KDM3B: variants seen among roughly 807,000 people sequenced by gnomAD.
The protein encoded by KDM3B is lysine demethylase 3B.
In KDM3B, 10 loss-of-function variants were observed where a neutral mutation model predicts 170.0. The observed-to-expected ratio is 0.06, with a 90% CI of 0.04 to 0.10. The LOEUF is 0.10. KDM3B is among the 10% of genes least tolerant of loss of function. The pLI, the probability that KDM3B is intolerant of heterozygous loss-of-function variation, is 1.00. For missense variants in KDM3B, 1,394 were observed against 2,195.2 expected (o/e 0.64, Z 7.29); for synonymous variants, 831 against 834.8 (o/e 1.00, Z 0.08).
At chr5:138,411,156 CTG>C (rs1466925104) in intron 11 of KDM3B, among the ~76,000 whole-genome samples, 1 of 152,250 alleles carries the variant, frequency 6.6e-6, no homozygotes, top group Non-Finnish European at 1.5e-5. Context: ...CACGGTCCAC[CTG>C]GCAACGGGCG....
chr5:138,399,847 C>G lies in KDM3B; in HGVS notation c.3047-13C>G, dbSNP rs776895632. The G allele has an allele frequency of 1.2e-6, 2 of 1,608,898 alleles. No homozygotes were observed. The highest frequency in any genetic ancestry group is 2.7e-5 in the African/African-American group (2 of 74,790). On this transcript the variant is annotated splice_polypyrimidine_tract_variant and intron_variant, in intron 10 of 23. Coordinates refer to ENST00000314358, the MANE Select transcript of KDM3B (RefSeq NM_016604.4). ...GGATGATCAATGCCAATTCTGTTTC[C>G]TCTTTCCACCAGAGAAAGTGGCATG...
intron 7 of KDM3B, among the ~76,000 whole-genome samples, chr5:138,387,971 C>G (rs979626687): frequency 7.2e-5 from 11 of 152,182 alleles, no homozygotes; most frequent in African/African-American, 2.4e-4. Flanking sequence ...GTCCCAGCTA[C>G]TCGGGAGGCT....
At chr5:138,368,926 A>G (rs1761809612) in intron 1 of KDM3B, among the ~76,000 whole-genome samples, 1 of 152,244 alleles carries the variant, frequency 6.6e-6, no homozygotes, top group Non-Finnish European at 1.5e-5. Context: ...CTTTTTAAAT[A>G]TTCAAGTTCT....
chr5:138,362,551 T>TAC (rs370412367), intron 1 of KDM3B, among the ~76,000 whole-genome samples: 41,029 of 124,400 alleles, frequency 0.33, 5,863 homozygotes, highest in Non-Finnish European at 0.37. Context: ...TATATGTGTA[T>TAC]ACACACACAC....
chr5:138,368,436 A>G (rs1761798465), intron 1 of KDM3B, among the ~76,000 whole-genome samples: 1 of 151,170 alleles, frequency 6.6e-6, no homozygotes, highest in South Asian at 2.1e-4. Context: ...GGATCTTGCT[A>G]TGTTGCCAGG....
At chr5:138,431,110 C>A (rs961828920) in intron 22 of KDM3B, among the ~76,000 whole-genome samples, 2 of 150,116 alleles carry the variant, frequency 1.3e-5, no homozygotes, top group Non-Finnish European at 3.0e-5. Context: ...TTTCCTTTTT[C>A]TTTTTTTTTG....
At chr5:138,409,464 A>G (rs1443033653) in intron 11 of KDM3B, among the ~76,000 whole-genome samples, 1 of 152,230 alleles carries the variant, frequency 6.6e-6, no homozygotes, top group African/African-American at 2.4e-5. Context: ...CCTGGGAGGC[A>G]GAAGCTTCAG....
At chr5:138,414,346 T>C (rs1763049784) in intron 11 of KDM3B, among the ~76,000 whole-genome samples, 1 of 152,048 alleles carries the variant, frequency 6.6e-6, no homozygotes, top group Non-Finnish European at 1.5e-5. Flanking sequence ...TTTGTATTTT[T>C]AGTAGAGACA....
chr5:138,390,033 G>A (rs1762389013), intron 7 of KDM3B, among the ~76,000 whole-genome samples: 2 of 151,824 alleles, frequency 1.3e-5, no homozygotes, highest in African/African-American at 4.8e-5. Context: ...CTCATTTTTT[G>A]TATTTTTAGT....
intron 15 of KDM3B, among the ~76,000 whole-genome samples, chr5:138,422,574 A>C (rs1024738847): frequency 6.6e-6 from 1 of 152,166 alleles, no homozygotes. Context: ...TGGGAGGCAG[A>C]AGTTGCAGTG....
intron 1 of KDM3B, among the ~76,000 whole-genome samples, chr5:138,358,050 T>C (rs895168275): frequency 4.0e-5 from 6 of 151,842 alleles, no homozygotes; most frequent in African/African-American, 1.5e-4. Context: ...CAGGCTGGAG[T>C]GTAATGGTGT....
intron 3 of KDM3B, among the ~76,000 whole-genome samples, chr5:138,376,154 T>G (rs1239503047): frequency 1.3e-5 from 2 of 151,864 alleles, no homozygotes; most frequent in East Asian, 3.9e-4. Flanking sequence ...ATCTTTGTAG[T>G]CTTAGTAGAG....
intron 23 of KDM3B, among the ~76,000 whole-genome samples, chr5:138,434,318 G>A (rs912495289): frequency 1.3e-5 from 2 of 152,120 alleles, no homozygotes; most frequent in African/African-American, 4.8e-5. Flanking sequence ...GGGAGGCCGA[G>A]GTGGGCAGAT....
chr5:138,389,778 C>CTGTGTGTGTG (rs780753775), intron 7 of KDM3B, among the ~76,000 whole-genome samples: 18 of 120,072 alleles, frequency 1.5e-4, no homozygotes, highest in Non-Finnish European at 2.5e-4. Context: ...CTCTCTCTCT[C>CTGTGTGTGTG]TCTCTGTGTG....
At chr5:138,367,022 T>G (rs1433867165) in intron 1 of KDM3B, among the ~76,000 whole-genome samples, 2 of 152,154 alleles carry the variant, frequency 1.3e-5, no homozygotes, top group Non-Finnish European at 2.9e-5. Flanking sequence ...TGCTGGAAAG[T>G]CTTTCTTTCT....
chr5:138,361,952 T>A (rs1042100567), intron 1 of KDM3B, among the ~76,000 whole-genome samples: 11 of 152,182 alleles, frequency 7.2e-5, no homozygotes, highest in African/African-American at 2.7e-4. Context: ...GATCTCAAAC[T>A]GAAGGCACTT....
chr5:138,389,762 T>C (rs1561771888), intron 7 of KDM3B, among the ~76,000 whole-genome samples: 2 of 138,858 alleles, frequency 1.4e-5, no homozygotes, highest in East Asian at 2.3e-4. Flanking sequence ...TATGGGTCTC[T>C]TCTCTCTCTC....
chr5:138,424,883 G>A (rs2126999593), intron 16 of KDM3B, among the ~76,000 whole-genome samples: 1 of 152,340 alleles, frequency 6.6e-6, no homozygotes, highest in East Asian at 1.9e-4. Flanking sequence ...TAAAAAGGCA[G>A]TTGAAATTTC....
intron 17 of KDM3B, chr5:138,425,813 C>T (rs1763377301): frequency 2.8e-6 from 1 of 359,906 alleles, no homozygotes; most frequent in Non-Finnish European, 5.1e-6. Context: ...CAAGACCAGC[C>T]TGGCCAACTT....
Sources: allele counts gnomAD v4.1 joint callset (sites outside exome capture counted in the v4.1 genomes callset), GRCh38; gene constraint gnomAD v4.1.1; transcripts MANE v1.5; gene names NCBI Gene and HGNC (gene_info 2026-07-23, HGNC 2026-07-21).